Variants in THSD7B observed in about 807,000 individuals in gnomAD.
THSD7B encodes thrombospondin type 1 domain containing 7B.
In THSD7B, 138 loss-of-function variants were observed where a neutral mutation model predicts 213.6. That is an observed-to-expected ratio of 0.65 (90% CI 0.56 to 0.74). THSD7B has a LOEUF of 0.74. Among genes scored for constraint, THSD7B ranks in the 30% least tolerant of loss-of-function variants. The pLI is 0.00. For missense variants in THSD7B, 1,931 were observed against 1,991.5 expected, an observed-to-expected ratio of 0.97 and a Z score of 0.58; for synonymous variants, 742 against 687.0, an observed-to-expected ratio of 1.08 and a Z score of -1.25.
At chr2:137,636,264 T>G (rs979720693) in intron 20 of THSD7B, among the ~76,000 whole-genome samples, 7 of 150,442 alleles carry the variant, frequency 4.7e-5, no homozygotes, top group Admixed American at 4.6e-4. Context: ...TAGCTGTAAA[T>G]TAAACGTGTG....
chr2:137,459,789 G>T (rs189091826), intron 15 of THSD7B, among the ~76,000 whole-genome samples: 18 of 152,186 alleles, frequency 1.2e-4, no homozygotes, highest in African/African-American at 4.3e-4. Context: ...AAAATCACTG[G>T]GATTGGGAGG....
At chr2:137,489,785 G>T (rs1325274055) in intron 15 of THSD7B, among the ~76,000 whole-genome samples, 1 of 152,078 alleles carries the variant, frequency 6.6e-6, no homozygotes, top group Non-Finnish European at 1.5e-5. Context: ...TTTATATTTT[G>T]TTAGCCTGAA....
chr2:136,809,798 T>C (rs574255441), intron 1 of THSD7B, among the ~76,000 whole-genome samples: 1 of 152,200 alleles, frequency 6.6e-6, no homozygotes, highest in East Asian at 1.9e-4. Context: ...GCAGTCTGGG[T>C]GAAAGATTCT....
At chr2:136,891,364 C>T (rs1346734) in intron 2 of THSD7B, among the ~76,000 whole-genome samples, 82,922 of 152,018 alleles carry the variant, frequency 0.55, 24,087 homozygotes, top group Non-Finnish European at 0.63. Flanking sequence ...CATGACTCAG[C>T]TGTTGGGCTT....
In THSD7B at chr2:137,113,902, G is replaced by A. The variant is rs1218090832; in HGVS notation, c.1200-1222G>A. 5.9e-5 allele frequency among the ~76,000 whole-genome samples: 9 copies of A among 152,288 alleles called. No homozygotes were observed. The South Asian group carries it at 1.5e-3, about 25-fold the overall frequency. Reference sequence around the variant, plus strand: ...AACTCATGTTACAACAAATCCCAGAGGACTGTCCAAATCCTTTTTCTATGG... The same window carrying A: ...AACTCATGTTACAACAAATCCCAGAAGACTGTCCAAATCCTTTTTCTATGG... On this transcript the variant is annotated intron_variant, in intron 4 of 27. Transcript: ENST00000409968.
intron 1 of THSD7B, among the ~76,000 whole-genome samples, chr2:136,856,212 G>A (rs960839005): frequency 1.3e-5 from 2 of 152,230 alleles, no homozygotes; most frequent in South Asian, 2.1e-4. Context: ...GTTGATGAAC[G>A]GATGATTCCC....
At chr2:137,332,561 G>A (rs1167456013) in intron 12 of THSD7B, among the ~76,000 whole-genome samples, 1 of 152,184 alleles carries the variant, frequency 6.6e-6, no homozygotes, top group Non-Finnish European at 1.5e-5. Context: ...TGTTGGAAAG[G>A]TATGATTGTG....
intron 2 of THSD7B, among the ~76,000 whole-genome samples, chr2:137,026,429 A>G (rs1417732960): frequency 6.6e-6 from 1 of 152,212 alleles, no homozygotes; most frequent in Non-Finnish European, 1.5e-5. Flanking sequence ...TAGTTTCTGC[A>G]CATGGCTTCT....
Position 137,663,481 on chromosome 2 carries a change from A to T in THSD7B, c.4557A>T (p.Lys1519Asn), listed in dbSNP as rs775666869. ...AAGTACCAGGCTCAGAGGATAAAAA[A>T]GCTGATGTGAAAAACCTTTCTGGGA... ...CMKVPGSEDK[K>N]ADVKNLSGKN... The change falls in exon 26 of 28, where the codon AAA becomes AAT. Residue 1519 changes from lysine to asparagine, a missense_variant. Transcript: ENST00000409968. The T allele has an allele frequency of 2.5e-6, 4 of 1,602,968 alleles. No homozygotes were observed. The African/African-American group carries it at 4.0e-5, about 16-fold the overall frequency.
rs556136986 is a variant in THSD7B, at chr2:137,673,700, C to T, written c.4740-2824C>T. ...GCAGTCTTGCCCCTCAGCTCCTCCTCCTGAGGTTCTTTTTTACTGGCCAGA... is the reference window on the plus strand; with the variant it reads ...GCAGTCTTGCCCCTCAGCTCCTCCTTCTGAGGTTCTTTTTTACTGGCCAGA... On this transcript the variant is annotated intron_variant, in intron 27 of 27. Transcript: ENST00000409968. 5.6e-3 allele frequency among the ~76,000 whole-genome samples: 860 copies of T among 152,282 alleles called. 11 individuals are homozygous for T. The highest frequency in any genetic ancestry group is 0.02 in the African/African-American group (822 of 41,546).
intron 7 of THSD7B, among the ~76,000 whole-genome samples, chr2:137,175,185 G>A (rs1181124530): frequency 6.6e-6 from 1 of 152,074 alleles, no homozygotes; most frequent in East Asian, 1.9e-4. Flanking sequence ...TGGGGTCATT[G>A]GATAAACACC....
chr2:137,469,835 G>A lies in THSD7B; in HGVS notation c.3138+18812G>A, dbSNP rs117242211. On this transcript the variant is annotated intron_variant, in intron 15 of 27. Transcript: ENST00000409968. The stretch of plus-strand genomic sequence containing the variant: ...ACTTTGTAAGAGATGCTTCAATGCT[G>A]AAACATTAGCTGCATCTTTTGGACT... Among the ~76,000 whole-genome samples the A allele has an allele frequency of 4.0e-4, 61 of 152,278 alleles. No individual in the cohort carries two copies. In the East Asian group the frequency reaches 0.01, roughly 25 times the overall value.
At chr2:137,101,804 C>T (rs1169902641) in intron 4 of THSD7B, among the ~76,000 whole-genome samples, 2 of 152,196 alleles carry the variant, frequency 1.3e-5, no homozygotes, top group African/African-American at 2.4e-5. Flanking sequence ...TCCACCACCG[C>T]GCCACAAAGC....
intron 12 of THSD7B, among the ~76,000 whole-genome samples, chr2:137,292,367 T>C (rs1329232828): frequency 6.6e-6 from 1 of 152,168 alleles, no homozygotes; most frequent in Non-Finnish European, 1.5e-5. Context: ...GGCTGGTGGA[T>C]GGTGATATGA....
chr2:137,100,089 T>C (rs1688121048), intron 4 of THSD7B, among the ~76,000 whole-genome samples: 1 of 119,864 alleles, frequency 8.3e-6, no homozygotes, highest in Admixed American at 9.7e-5. Context: ...TTGTACCTAA[T>C]TTTAGATTTT....
At chr2:137,434,339 A>G (rs1687247696) in intron 14 of THSD7B, among the ~76,000 whole-genome samples, 1 of 152,188 alleles carries the variant, frequency 6.6e-6, no homozygotes, top group South Asian at 2.1e-4. Flanking sequence ...AGTGATCTAA[A>G]GGAGCCCATT....
chr2:137,198,721 T>A (rs1277969492), intron 7 of THSD7B, among the ~76,000 whole-genome samples: 1 of 152,176 alleles, frequency 6.6e-6, no homozygotes, highest in Non-Finnish European at 1.5e-5. Context: ...ACCATTTCTG[T>A]GGATTCTCAT....
chr2:137,077,447 G>T (rs970009988), intron 3 of THSD7B, among the ~76,000 whole-genome samples: 2 of 152,146 alleles, frequency 1.3e-5, no homozygotes, highest in Non-Finnish European at 2.9e-5. Context: ...CACCAACAGT[G>T]TAAGAGTGTT....
intron 12 of THSD7B, among the ~76,000 whole-genome samples, chr2:137,328,958 G>T (rs1684431598): frequency 6.6e-6 from 1 of 152,140 alleles, no homozygotes; most frequent in Non-Finnish European, 1.5e-5. Flanking sequence ...AATTACCCAG[G>T]CTCAGGCAGT....
Sources: allele counts gnomAD v4.1 joint callset (sites outside exome capture counted in the v4.1 genomes callset), GRCh38; gene constraint gnomAD v4.1.1; transcripts MANE v1.5; gene names NCBI Gene and HGNC (gene_info 2026-07-23, HGNC 2026-07-21).